The following LARP1B variants were observed in gnomAD, a reference collection of about 807,000 sequenced individuals.
LARP1B encodes the protein la-related protein 1B.
In LARP1B, 76 loss-of-function variants were observed where a neutral mutation model predicts 114.2. The ratio of observed to expected loss-of-function variants is 0.67; its 90% CI spans 0.55 to 0.81. The LOEUF (loss-of-function observed/expected upper bound fraction) is 0.81, where lower values mean the gene tolerates loss of function less well. Ranked by LOEUF, LARP1B falls within the 30% of genes least tolerant of loss-of-function variation. The probability of loss-of-function intolerance (pLI) is 0.00; values close to 1 mark genes in which losing one functional copy is unlikely to be tolerated. For synonymous variants in LARP1B, 345 were observed against 348.0 expected (o/e 0.99, Z 0.10); for missense variants, 1,014 against 1,075.8 (o/e 0.94, Z 0.80).
chr4:128,191,495 C>T (rs1016341333), intron 15 of LARP1B, among the ~76,000 whole-genome samples: 1 of 152,110 alleles, frequency 6.6e-6, no homozygotes, highest in Non-Finnish European at 1.5e-5. Flanking sequence ...GCGCCTTAAG[C>T]CCAAGTTTGC....
At chr4:128,194,753 A>G (rs971752782) in intron 15 of LARP1B, among the ~76,000 whole-genome samples, 1 of 148,960 alleles carries the variant, frequency 6.7e-6, no homozygotes, top group Non-Finnish European at 1.5e-5. Context: ...GGTAATCCCA[A>G]CTACTTAGGA....
At chr4:128,194,076 A>T (rs919874385) in intron 15 of LARP1B, among the ~76,000 whole-genome samples, 2 of 151,294 alleles carry the variant, frequency 1.3e-5, no homozygotes, top group Non-Finnish European at 2.9e-5. Flanking sequence ...TTACTGTTTG[A>T]CTATTTATTT....
intron 11 of LARP1B, among the ~76,000 whole-genome samples, chr4:128,133,364 A>G (rs1792164096): frequency 2.6e-5 from 4 of 152,264 alleles, no homozygotes. Context: ...GTTATGAACA[A>G]CAAATAAATG....
intron 12 of LARP1B, among the ~76,000 whole-genome samples, chr4:128,173,231 CAATGTGAT>C (rs1435215534): frequency 2.0e-5 from 3 of 152,040 alleles, no homozygotes. Flanking sequence ...TGCCACGGGC[CAATGTGAT>C]AACGCTGGTC....
At chr4:128,142,882 G>A (rs533037514) in intron 11 of LARP1B, among the ~76,000 whole-genome samples, 12 of 152,176 alleles carry the variant, frequency 7.9e-5, no homozygotes, top group African/African-American at 2.6e-4. Context: ...TTCTCAGATC[G>A]CTTTCCTTTC....
At chr4:128,115,610 A>C (rs1249810104) in intron 10 of LARP1B, among the ~76,000 whole-genome samples, 1 of 152,156 alleles carries the variant, frequency 6.6e-6, no homozygotes, top group African/African-American at 2.4e-5. Context: ...ACTTGTGACT[A>C]ATTTTAACTT....
At chr4:128,139,100 T>G (rs985685129) in intron 11 of LARP1B, among the ~76,000 whole-genome samples, 1 of 151,988 alleles carries the variant, frequency 6.6e-6, no homozygotes, top group Non-Finnish European at 1.5e-5. Context: ...AAATTCACAT[T>G]AACGGATTGA....
At chr4:128,144,668 AT>A (rs1729543676) in intron 11 of LARP1B, among the ~76,000 whole-genome samples, 1 of 152,024 alleles carries the variant, frequency 6.6e-6, no homozygotes, top group Non-Finnish European at 1.5e-5. Context: ...TGTTCTATAG[AT>A]TGGACTGTAT....
intron 11 of LARP1B, among the ~76,000 whole-genome samples, chr4:128,150,731 G>GA (rs908873388): frequency 3.3e-5 from 5 of 149,842 alleles, no homozygotes; most frequent in Admixed American, 2.7e-4. Flanking sequence ...TCTGTCTTGG[G>GA]AAAAAAAAAT....
At chr4:128,133,549 C>T (rs1792227845) in intron 11 of LARP1B, among the ~76,000 whole-genome samples, 1 of 152,152 alleles carries the variant, frequency 6.6e-6, no homozygotes, top group South Asian at 2.1e-4. Context: ...ATAGTCAAAA[C>T]ATTATTATTG....
chr4:128,161,201 C>T (rs567666150), intron 11 of LARP1B, among the ~76,000 whole-genome samples: 1 of 152,236 alleles, frequency 6.6e-6, no homozygotes, highest in South Asian at 2.1e-4. Context: ...CTTTATGGTT[C>T]ACCTGGGTGA....
rs79629596 is a variant in LARP1B, at chr4:128,123,886, A to G, written c.1524+1698A>G. 2.9e-3 allele frequency: 463 copies of G among 160,820 alleles called. 4 individuals are homozygous for G. Among genetic ancestry groups the G allele is most frequent in the African/African-American group, 0.011 (444 of 41,694 alleles). 10.0% of individuals were successfully genotyped at this position (160,820 alleles called of 1,614,324 possible). A position where few individuals can be genotyped will look rare whatever the true frequency, so the allele number is the denominator to read the frequency against. On this transcript the variant is annotated intron_variant, in intron 11 of 19. Coordinates refer to ENST00000326639, the MANE Select transcript of LARP1B (RefSeq NM_018078.4). The stretch of plus-strand genomic sequence containing the variant: ...AGTTCTTGAGGCATGTGCTGATCTT[A>G]TTCATTAAATATTAACGGAAAGTAA...
At chr4:128,072,974 GT>G in intron 1 of LARP1B, among the ~76,000 whole-genome samples, 1 of 152,322 alleles carries the variant, frequency 6.6e-6, no homozygotes, top group Admixed American at 6.5e-5. Flanking sequence ...CGTAGAGACT[GT>G]TTAAATAGGA....
exon 8 of LARP1B, chr4:128,222,386 T>C (rs1276172854): frequency 2.2e-6 from 1 of 456,690 alleles, no homozygotes; most frequent in South Asian, 1.5e-5. Flanking sequence ...ATCATAAACA[T>C]CTAGTTCCTA....
rs544742276 is a variant in LARP1B at position 128,103,601 on chromosome 4, C to T, written c.814-3538C>T. 4.2e-5 allele frequency among the ~76,000 whole-genome samples: 6 copies of T among 143,358 alleles called. No homozygotes were observed. In the Admixed American group the frequency reaches 4.4e-4, roughly 10 times the overall value. 94.0% of individuals were successfully genotyped at this position (143,358 alleles called of 152,430 possible). On this transcript the variant is annotated intron_variant, in intron 8 of 19. Transcript: ENST00000326639. ...TTTTTGAGACAGAGTCTCACTCTGTCACCCAGGTTGGAGTGCGGTGGCATG... is the reference window on the plus strand; with the variant it reads ...TTTTTGAGACAGAGTCTCACTCTGTTACCCAGGTTGGAGTGCGGTGGCATG...
chr4:128,152,273 G>A (rs1037078959), intron 11 of LARP1B, among the ~76,000 whole-genome samples: 1 of 147,582 alleles, frequency 6.8e-6, no homozygotes, highest in Non-Finnish European at 1.5e-5. Flanking sequence ...GCGCAATCTC[G>A]GCTCACTGAA....
chr4:128,221,796 C>A (rs1760059090), intron 7 of LARP1B, among the ~76,000 whole-genome samples: 1 of 152,196 alleles, frequency 6.6e-6, no homozygotes, highest in Non-Finnish European at 1.5e-5. Flanking sequence ...ATTTAGTTAA[C>A]TGCTGCTCTA....
chr4:128,152,977 T>G (rs920598174), intron 11 of LARP1B, among the ~76,000 whole-genome samples: 8 of 134,420 alleles, frequency 6.0e-5, no homozygotes, highest in Non-Finnish European at 9.5e-5. Context: ...GTTTGCCTTT[T>G]TTTTTTTTTT....
In LARP1B at chr4:128,211,914, C is replaced by T. The variant is rs1759046282; in HGVS notation, c.*1861C>T. 2 of 294,470 alleles carry T rather than the reference C, an allele frequency of 6.8e-6. No homozygotes were observed. The highest frequency in any genetic ancestry group is 1.0e-5 in the Non-Finnish European group (2 of 198,696). The allele number at this position is 294,470 out of a possible 1,614,324, so 18.2% of individuals were successfully genotyped here. ...TCATATTTTTATTATAAAAGTAATA[C>T]ATGTACATTGGGAAATTTAGAAAAG... On this transcript the variant is annotated 3_prime_UTR_variant, in exon 20 of 20. Transcript: ENST00000326639.
Sources: gnomAD v4.1 joint callset for allele counts (sites outside exome capture counted in the v4.1 genomes callset) on GRCh38, gnomAD v4.1.1 for gene constraint, MANE v1.5 for transcripts, NCBI Gene and HGNC (gene_info 2026-07-23, HGNC 2026-07-21) for gene names.